FGF12: variants seen among roughly 807,000 people sequenced by gnomAD.
FGF12 encodes the protein fibroblast growth factor 12.
Under a neutral mutation model 23.6 loss-of-function variants are expected in FGF12, and 14 were observed. The ratio of observed to expected loss-of-function variants is 0.59; its 90% CI spans 0.39 to 0.93. FGF12 has a LOEUF of 0.93. FGF12 is among the 40% of genes least tolerant of loss of function. The probability of loss-of-function intolerance (pLI) is 0.00; values close to 1 mark genes in which losing one functional copy is unlikely to be tolerated. For synonymous variants in FGF12, 62 were observed against 77.3 expected, an observed-to-expected ratio of 0.80 and a Z score of 1.04; for missense variants, 175 against 217.8, an observed-to-expected ratio of 0.80 and a Z score of 1.24.
At chr3:192,508,041 A>G (rs1403078232) in intron 2 of FGF12, among the ~76,000 whole-genome samples, 1 of 152,130 alleles carries the variant, frequency 6.6e-6, no homozygotes, top group East Asian at 1.9e-4. Context: ...CTCCCCTCAA[A>G]AAAAGAGATT....
chr3:192,158,354 C>CTTTCTT (rs1714579325), intron 5 of FGF12, among the ~76,000 whole-genome samples: 1 of 111,786 alleles, frequency 8.9e-6, no homozygotes, highest in Non-Finnish European at 1.8e-5. Context: ...TTCTTTCTTT[C>CTTTCTT]TTTCTTTCTT....
intron 4 of FGF12, among the ~76,000 whole-genome samples, chr3:192,256,732 G>A (rs2108612960): frequency 6.6e-6 from 1 of 152,258 alleles, no homozygotes; most frequent in South Asian, 2.1e-4. Context: ...TCTTATTGGA[G>A]AATAATTTCA....
At chr3:192,700,747 C>T (rs893095397) in intron 2 of FGF12, among the ~76,000 whole-genome samples, 6 of 152,034 alleles carry the variant, frequency 3.9e-5, no homozygotes, top group East Asian at 1.9e-4. Flanking sequence ...AGAGGGGGGT[C>T]GGACATGCCT....
At chr3:192,149,384 T>C (rs969254645) in intron 5 of FGF12, among the ~76,000 whole-genome samples, 1 of 148,794 alleles carries the variant, frequency 6.7e-6, no homozygotes, top group African/African-American at 2.5e-5. Context: ...TACATATGTA[T>C]ACATGTGCCA....
intron 2 of FGF12, among the ~76,000 whole-genome samples, chr3:192,698,561 G>C (rs1203519386): frequency 6.7e-6 from 1 of 148,732 alleles, no homozygotes; most frequent in Non-Finnish European, 1.5e-5. Context: ...TTATCCTGAG[G>C]ACACAGAAGC....
intron 2 of FGF12, among the ~76,000 whole-genome samples, chr3:192,586,235 C>G (rs1055246220): frequency 2.0e-5 from 3 of 152,080 alleles, no homozygotes; most frequent in East Asian, 1.9e-4. Flanking sequence ...AACTGAAGAC[C>G]TGGAACAAAT....
At chr3:192,442,530 G>T (rs1722230214) in intron 2 of FGF12, among the ~76,000 whole-genome samples, 1 of 152,190 alleles carries the variant, frequency 6.6e-6, no homozygotes. Flanking sequence ...GCCCAAACAA[G>T]TTACAGATGT....
intron 4 of FGF12, among the ~76,000 whole-genome samples, chr3:192,319,212 C>T (rs1198735488): frequency 1.3e-5 from 2 of 152,132 alleles, no homozygotes; most frequent in Non-Finnish European, 2.9e-5. Flanking sequence ...AGTAAACACA[C>T]AGAAAACACA....
At chr3:192,187,277 C>T (rs532966595) in intron 4 of FGF12, among the ~76,000 whole-genome samples, 14 of 152,112 alleles carry the variant, frequency 9.2e-5, no homozygotes, top group Middle Eastern at 3.4e-3. Context: ...CATATATAGT[C>T]TTTTTTTGAG....
chr3:192,304,282 A>C (rs748189899), intron 4 of FGF12, among the ~76,000 whole-genome samples: 120 of 152,148 alleles, frequency 7.9e-4, no homozygotes, highest in Non-Finnish European at 1.6e-3. Flanking sequence ...ATTATTTCCA[A>C]GACATCTACT....
chr3:192,155,258 A>G (rs1233527361), intron 5 of FGF12, among the ~76,000 whole-genome samples: 3 of 152,182 alleles, frequency 2.0e-5, no homozygotes, highest in Non-Finnish European at 4.4e-5. Flanking sequence ...ATGGAAATGC[A>G]GAAATCACCG....
intron 4 of FGF12, among the ~76,000 whole-genome samples, chr3:192,300,618 T>C (rs1200501008): frequency 2.0e-5 from 3 of 149,988 alleles, no homozygotes. Flanking sequence ...TTCTTTATAA[T>C]GTTATGTATT....
intron 2 of FGF12, among the ~76,000 whole-genome samples, chr3:192,581,037 T>C (rs1713112499): frequency 1.3e-5 from 2 of 152,200 alleles, no homozygotes; most frequent in Admixed American, 6.5e-5. Flanking sequence ...TAATCAGATA[T>C]GCATAAAATG....
At chr3:192,691,103 C>G (rs1717929272) in intron 2 of FGF12, among the ~76,000 whole-genome samples, 1 of 151,826 alleles carries the variant, frequency 6.6e-6, no homozygotes, top group African/African-American at 2.4e-5. Flanking sequence ...GTGTCAATAC[C>G]CACTTTCAAC....
intron 5 of FGF12, among the ~76,000 whole-genome samples, chr3:192,166,188 T>C (rs369915394): frequency 4.0e-4 from 61 of 152,320 alleles, no homozygotes; most frequent in African/African-American, 1.4e-3. Flanking sequence ...CATTTAAGGA[T>C]ATAATGTATA....
chr3:192,438,721 A>G (rs1419407495), intron 2 of FGF12, among the ~76,000 whole-genome samples: 2 of 152,228 alleles, frequency 1.3e-5, no homozygotes, highest in African/African-American at 4.8e-5. Flanking sequence ...GAGTATTCCA[A>G]TAACAACGTT....
At chr3:192,598,848 A>G (rs1284261118) in intron 2 of FGF12, among the ~76,000 whole-genome samples, 2 of 152,208 alleles carry the variant, frequency 1.3e-5, no homozygotes, top group East Asian at 3.8e-4. Flanking sequence ...GTTTAAGAAG[A>G]CTTGGAACCA....
intron 2 of FGF12, among the ~76,000 whole-genome samples, chr3:192,376,292 T>A (rs1204446637): frequency 1.3e-5 from 2 of 151,684 alleles, no homozygotes; most frequent in Admixed American, 6.6e-5. Flanking sequence ...AACACACACA[T>A]AAACTTTCTT....
At chr3:192,612,675 A>G (rs1714589665) in intron 2 of FGF12, among the ~76,000 whole-genome samples, 1 of 151,958 alleles carries the variant, frequency 6.6e-6, no homozygotes, top group South Asian at 2.1e-4. Flanking sequence ...ATAGCTATGA[A>G]ATAACATTAT....
Sources: allele counts gnomAD v4.1 joint callset (sites outside exome capture counted in the v4.1 genomes callset), GRCh38; gene constraint gnomAD v4.1.1; transcripts MANE v1.5; gene names NCBI Gene and HGNC (gene_info 2026-07-23, HGNC 2026-07-21).